Variants in LDB2 observed in about 807,000 individuals in gnomAD.
LDB2 encodes LIM domain-binding protein 2.
Under a neutral mutation model 44.3 loss-of-function variants are expected in LDB2, and 12 were observed. The ratio of observed to expected loss-of-function variants is 0.27; its 90% CI spans 0.17 to 0.44. The LOEUF is 0.44. Ranked by LOEUF, LDB2 falls within the 20% of genes least tolerant of loss-of-function variation. LDB2 has a pLI of 1.00. For synonymous variants in LDB2, 164 were observed against 174.8 expected (o/e 0.94, Z 0.49); for missense variants, 344 against 473.5 (o/e 0.73, Z 2.54).
intron 2 of LDB2, among the ~76,000 whole-genome samples, chr4:16,679,309 G>GAGGAAGGA (rs796529320): frequency 6.6e-6 from 1 of 152,020 alleles, no homozygotes; most frequent in South Asian, 2.1e-4. Flanking sequence ...GGAGGAGAGG[G>GAGGAAGGA]AGGAAGGAAG....
chr4:16,719,298 GA>G (rs1757734207), intron 2 of LDB2, among the ~76,000 whole-genome samples: 3 of 152,050 alleles, frequency 2.0e-5, no homozygotes, highest in Admixed American at 2.0e-4. Context: ...ACTATAGAGA[GA>G]TTTTTTTTGT....
intron 2 of LDB2, among the ~76,000 whole-genome samples, chr4:16,686,431 A>G (rs1749264256): frequency 6.6e-6 from 1 of 152,260 alleles, no homozygotes; most frequent in African/African-American, 2.4e-5. Flanking sequence ...CAACTTGCCC[A>G]AAGACAAAAC....
At chr4:16,818,669 A>T (rs1781389509) in intron 1 of LDB2, among the ~76,000 whole-genome samples, 1 of 152,186 alleles carries the variant, frequency 6.6e-6, no homozygotes, top group African/African-American at 2.4e-5. Context: ...ATCCCTCTAT[A>T]AAAAATAAGT....
intron 5 of LDB2, among the ~76,000 whole-genome samples, chr4:16,513,871 C>T (rs944843531): frequency 7.2e-5 from 11 of 152,340 alleles, no homozygotes; most frequent in Non-Finnish European, 1.3e-4. Context: ...AACCTATCCC[C>T]GCCAAAGGTA....
chr4:16,891,846 A>G (rs1351376030), intron 1 of LDB2, among the ~76,000 whole-genome samples: 2 of 152,222 alleles, frequency 1.3e-5, no homozygotes, highest in Non-Finnish European at 2.9e-5. Flanking sequence ...AAAAATTTCT[A>G]TAGGTAAAAC....
chr4:16,542,470 C>T (rs543081840), intron 5 of LDB2, among the ~76,000 whole-genome samples: 2 of 152,188 alleles, frequency 1.3e-5, no homozygotes, highest in Non-Finnish European at 2.9e-5. Context: ...AAGAACCTTC[C>T]CATAGGCCGG....
rs766484325 is a variant in LDB2, at chr4:16,508,586, G to A, written c.840C>T (p.Gly280=). Residue 280 remains glycine, a synonymous_variant, in exon 7 of 8, where the codon GGC becomes GGT. Transcript: ENST00000304523. ...SSAGNNANST[G]SKKKTTAANL... ...TTGCAGCTGTGGTCTTCTTCTTGCT[G>A]CCAGTGCTGTTTGCATTGTTCCCAG... is the stretch of plus-strand genomic sequence containing the variant. 1.2e-6 allele frequency: 2 copies of A among 1,613,018 alleles called. No homozygotes were observed. Among genetic ancestry groups the A allele is most frequent in the Non-Finnish European group, 1.7e-6 (2 of 1,179,460 alleles).
rs1424573451 is a variant in LDB2, at chr4:16,859,306, G to A, written c.132+39048C>T. Among the ~76,000 whole-genome samples, 3 of 152,218 alleles carry A rather than the reference G, an allele frequency of 2.0e-5. No homozygotes were observed. In the East Asian group the frequency reaches 5.8e-4, roughly 29 times the overall value. ...TGTGTTCAGCTGAATTCTGTAAGTA[G>A]TGAATATACAGAGCTAGGCCCCCAT... On this transcript the variant is annotated intron_variant, in intron 1 of 7. Coordinates refer to ENST00000304523, the MANE Select transcript of LDB2 (RefSeq NM_001290.5).
intron 2 of LDB2, among the ~76,000 whole-genome samples, chr4:16,691,767 G>C (rs1038250990): frequency 2.0e-5 from 3 of 152,096 alleles, no homozygotes; most frequent in African/African-American, 7.2e-5. Context: ...TAAAATAAAA[G>C]GGAGAAGTTA....
chr4:16,524,456 A>G (rs1490992112), intron 5 of LDB2, among the ~76,000 whole-genome samples: 1 of 152,178 alleles, frequency 6.6e-6, no homozygotes, highest in Non-Finnish European at 1.5e-5. Flanking sequence ...TAGGGAGGGT[A>G]TCTCAGGCAG....
chr4:16,514,390 A>G (rs1722889873), intron 5 of LDB2, among the ~76,000 whole-genome samples: 1 of 152,198 alleles, frequency 6.6e-6, no homozygotes, highest in Non-Finnish European at 1.5e-5. Context: ...CCACTTACCT[A>G]TATATCCAGG....
At chr4:16,537,167 C>A (rs1410408803) in intron 5 of LDB2, among the ~76,000 whole-genome samples, 15 of 152,100 alleles carry the variant, frequency 9.9e-5, no homozygotes, top group Admixed American at 9.8e-4. Flanking sequence ...AGAACTAAGG[C>A]TCTTAGAAAC....
intron 2 of LDB2, among the ~76,000 whole-genome samples, chr4:16,632,496 G>C (rs1001584040): frequency 1.3e-5 from 2 of 152,192 alleles, no homozygotes; most frequent in African/African-American, 4.8e-5. Context: ...GCCAAAACTG[G>C]AAGCATTCCT....
At chr4:16,781,715 CT>C (rs1773273858) in intron 1 of LDB2, among the ~76,000 whole-genome samples, 1 of 152,188 alleles carries the variant, frequency 6.6e-6, no homozygotes, top group Admixed American at 6.5e-5. Flanking sequence ...GCCCCCTCCC[CT>C]ATAATTCATG....
chr4:16,884,283 G>A (rs963046183), intron 1 of LDB2, among the ~76,000 whole-genome samples: 1 of 152,198 alleles, frequency 6.6e-6, no homozygotes, highest in African/African-American at 2.4e-5. Flanking sequence ...ACAACTCTGT[G>A]AGGCGGGGAC....
At chr4:16,711,224 A>C (rs1376640340) in intron 2 of LDB2, among the ~76,000 whole-genome samples, 1 of 152,214 alleles carries the variant, frequency 6.6e-6, no homozygotes, top group Non-Finnish European at 1.5e-5. Flanking sequence ...GGAGTTAACC[A>C]GTTTAAAAAG....
intron 2 of LDB2, among the ~76,000 whole-genome samples, chr4:16,609,091 C>A (rs768963086): frequency 6.6e-6 from 1 of 152,088 alleles, no homozygotes; most frequent in African/African-American, 2.4e-5. Flanking sequence ...TGGTGTGACC[C>A]ATGGAGAGAA....
At chr4:16,621,151 C>T (rs1178378817) in intron 2 of LDB2, among the ~76,000 whole-genome samples, 1 of 152,156 alleles carries the variant, frequency 6.6e-6, no homozygotes, top group African/African-American at 2.4e-5. Flanking sequence ...ACCTATATAA[C>T]ATTCTAGACT....
intron 1 of LDB2, among the ~76,000 whole-genome samples, chr4:16,835,407 G>T (rs1419832479): frequency 1.3e-5 from 2 of 152,094 alleles, no homozygotes; most frequent in African/African-American, 4.8e-5. Flanking sequence ...AGCCTCTTTT[G>T]TGTAACAATA....
Sources: gnomAD v4.1 joint callset for allele counts (sites outside exome capture counted in the v4.1 genomes callset) on GRCh38, gnomAD v4.1.1 for gene constraint, MANE v1.5 for transcripts, NCBI Gene and HGNC (gene_info 2026-07-23, HGNC 2026-07-21) for gene names.